Variants in PTPRD observed in about 807,000 individuals in gnomAD.
The protein encoded by PTPRD is receptor-type tyrosine-protein phosphatase delta.
A neutral mutation model predicts 214.5 loss-of-function variants in PTPRD; 34 were observed. That is an observed-to-expected ratio of 0.16 (90% CI 0.12 to 0.21). The LOEUF is 0.21. Ranked by LOEUF, PTPRD falls within the 10% of genes least tolerant of loss-of-function variation. PTPRD has a pLI of 1.00. For synonymous variants in PTPRD, 1,128 were observed against 845.7 expected, an observed-to-expected ratio of 1.33 and a Z score of -5.79; for missense variants, 2,545 against 2,398.7, an observed-to-expected ratio of 1.06 and a Z score of -1.27.
intron 9 of PTPRD, among the ~76,000 whole-genome samples, chr9:9,287,302 C>T (rs371697760): frequency 2.0e-5 from 3 of 151,600 alleles, no homozygotes; most frequent in Non-Finnish European, 4.4e-5. Context: ...TAAAAATGAC[C>T]CAGTTGCCAT....
chr9:10,134,691 T>C (rs2154261340), intron 3 of PTPRD, among the ~76,000 whole-genome samples: 2 of 152,024 alleles, frequency 1.3e-5, no homozygotes, highest in Middle Eastern at 6.8e-3. Flanking sequence ...ACTCTTAAGA[T>C]AAATAAAAAT....
At chr9:10,375,125 G>C (rs549227832) in intron 2 of PTPRD, among the ~76,000 whole-genome samples, 1 of 151,998 alleles carries the variant, frequency 6.6e-6, no homozygotes, top group South Asian at 2.1e-4. Context: ...GAAAAAAATA[G>C]ACAATTTACT....
At chr9:10,462,105 T>C (rs7850565) in intron 2 of PTPRD, among the ~76,000 whole-genome samples, 129,326 of 152,032 alleles carry the variant, frequency 0.85, 55,038 homozygotes, top group East Asian at 0.95. Context: ...TGAGGAATGA[T>C]AGTTAGCGTA....
intron 9 of PTPRD, among the ~76,000 whole-genome samples, chr9:9,281,450 C>A (rs1044702447): frequency 2.6e-5 from 4 of 151,166 alleles, no homozygotes; most frequent in African/African-American, 7.3e-5. Flanking sequence ...TTTAACACAG[C>A]CTTGATAAAG....
At chr9:10,018,101 T>C (rs2096761108) in intron 4 of PTPRD, among the ~76,000 whole-genome samples, 1 of 151,902 alleles carries the variant, frequency 6.6e-6, no homozygotes, top group South Asian at 2.1e-4. Flanking sequence ...TATTAGGTTA[T>C]GAAATCCCCT....
chr9:9,856,172 G>C (rs951267167), intron 5 of PTPRD, among the ~76,000 whole-genome samples: 3 of 152,154 alleles, frequency 2.0e-5, no homozygotes, highest in Non-Finnish European at 2.9e-5. Context: ...CCGTCAAGCT[G>C]TCCCTCTGAA....
chr9:9,989,993 C>G (rs887323283), intron 4 of PTPRD, among the ~76,000 whole-genome samples: 1 of 152,220 alleles, frequency 6.6e-6, no homozygotes, highest in African/African-American at 2.4e-5. Flanking sequence ...TATCCCATCT[C>G]AACTGGGGGC....
chr9:9,851,612 C>A (rs2060562308), intron 5 of PTPRD, among the ~76,000 whole-genome samples: 1 of 152,092 alleles, frequency 6.6e-6, no homozygotes, highest in Admixed American at 6.6e-5. Flanking sequence ...AATATGTATT[C>A]ATTTATAATT....
chr9:8,959,700 G>A (rs2099149067), intron 11 of PTPRD, among the ~76,000 whole-genome samples: 1 of 151,996 alleles, frequency 6.6e-6, no homozygotes, highest in African/African-American at 2.4e-5. Context: ...GAATCATTGA[G>A]TATATCCTTT....
chr9:10,081,734 T>C (rs896447003), intron 3 of PTPRD, among the ~76,000 whole-genome samples: 8 of 152,230 alleles, frequency 5.3e-5, no homozygotes, highest in African/African-American at 1.9e-4. Context: ...ATATTTTTGA[T>C]ATAAGGAAAT....
At chr9:8,759,872 C>G (rs1296953119) in intron 11 of PTPRD, among the ~76,000 whole-genome samples, 1 of 152,138 alleles carries the variant, frequency 6.6e-6, no homozygotes, top group Non-Finnish European at 1.5e-5. Flanking sequence ...ACATTATTTC[C>G]TGGACTCGTG....
intron 8 of PTPRD, among the ~76,000 whole-genome samples, chr9:9,491,504 C>A (rs1405259425): frequency 1.3e-5 from 2 of 150,598 alleles, no homozygotes; most frequent in Admixed American, 1.3e-4. Context: ...TTCTCAAGAG[C>A]ATATGAGACA....
At position 10,126,946 on chromosome 9, in the gene PTPRD, C is replaced by CTTTTTTTTT. The variant is rs34691762; in HGVS notation, c.-544-93165_-544-93157dup. 8.1e-4 allele frequency among the ~76,000 whole-genome samples: 106 copies of CTTTTTTTTT among 130,554 alleles called. 5 individuals are homozygous for CTTTTTTTTT. The highest frequency in any genetic ancestry group is 3.9e-3 in the Middle Eastern group (1 of 256). The allele number at this position is 130,554 out of a possible 152,430, so 85.6% of individuals were successfully genotyped here. On this transcript the variant is annotated intron_variant, in intron 3 of 45. Coordinates refer to ENST00000381196, the MANE Select transcript of PTPRD (RefSeq NM_002839.4). Reference sequence around the variant, plus strand: ...CCTTAGACTCTGAGTCTCAAATGGACTTTTTTTTTTTTTTTTTGGCAGAAA... The same window carrying CTTTTTTTTT: ...CCTTAGACTCTGAGTCTCAAATGGACTTTTTTTTTTTTTTTTTTTTTTTTTTGGCAGAAA...
chr9:9,607,086 C>T lies in PTPRD; in HGVS notation c.-286-32305G>A, dbSNP rs182945935. On this transcript the variant is annotated intron_variant, in intron 7 of 45. Coordinates refer to ENST00000381196, the MANE Select transcript of PTPRD (RefSeq NM_002839.4). ...AAACTCCCCAACACAAAGCACGTGG[C>T]CTGTAACACTCTTTATATTTAGGTT... Among the ~76,000 whole-genome samples, 3 of 150,138 alleles carry T rather than the reference C, an allele frequency of 2.0e-5. No homozygotes were observed. The East Asian group carries it at 6.0e-4, about 30-fold the overall frequency.
chr9:9,958,249 G>C (rs537517124), intron 4 of PTPRD, among the ~76,000 whole-genome samples: 1 of 152,192 alleles, frequency 6.6e-6, no homozygotes, highest in Admixed American at 6.5e-5. Context: ...TTATGCTGTG[G>C]CTGGGTGCAG....
intron 2 of PTPRD, among the ~76,000 whole-genome samples, chr9:10,454,262 T>A (rs1246595306): frequency 2.6e-5 from 4 of 151,670 alleles, no homozygotes; most frequent in Non-Finnish European, 5.9e-5. Context: ...ACATTTGCCA[T>A]CTGTTCCCAA....
intron 3 of PTPRD, among the ~76,000 whole-genome samples, chr9:10,328,308 C>T (rs1276883967): frequency 1.3e-5 from 2 of 151,590 alleles, no homozygotes; most frequent in African/African-American, 4.8e-5. Context: ...TTTTCATGAT[C>T]ATGTGTATTG....
intron 9 of PTPRD, among the ~76,000 whole-genome samples, chr9:9,313,947 T>A (rs1326930838): frequency 6.6e-6 from 1 of 152,164 alleles, no homozygotes; most frequent in African/African-American, 2.4e-5. Flanking sequence ...TGTGGATTCT[T>A]TCCATGTGCT....
At chr9:9,780,357 A>G (rs552695632) in intron 5 of PTPRD, among the ~76,000 whole-genome samples, 76 of 152,288 alleles carry the variant, frequency 5.0e-4, no homozygotes, top group African/African-American at 1.7e-3. Flanking sequence ...CTGCATATGT[A>G]CCCCTGTATT....
Sources: allele counts gnomAD v4.1 joint callset (sites outside exome capture counted in the v4.1 genomes callset), GRCh38; gene constraint gnomAD v4.1.1; transcripts MANE v1.5; gene names NCBI Gene and HGNC (gene_info 2026-07-23, HGNC 2026-07-21).